The following DDX21 variants were observed in gnomAD, a reference collection of about 807,000 sequenced individuals.
DDX21 encodes the protein DExD-box helicase 21.
DDX21 carries 18 observed loss-of-function variants against 90.0 expected under a neutral mutation model. The ratio of observed to expected loss-of-function variants is 0.20; its 90% CI spans 0.14 to 0.30. The LOEUF is 0.30. Among genes scored for constraint, DDX21 ranks in the 10% least tolerant of loss-of-function variants. The probability of loss-of-function intolerance (pLI) is 1.00; values close to 1 mark genes in which losing one functional copy is unlikely to be tolerated. For synonymous variants in DDX21, 294 were observed against 318.0 expected, an observed-to-expected ratio of 0.92 and a Z score of 0.80; for missense variants, 673 against 944.5, an observed-to-expected ratio of 0.71 and a Z score of 3.77.
At position 68,965,516 on chromosome 10, in the gene DDX21, G is replaced by T. The variant is rs772158682; in HGVS notation, c.904+22G>T. ...CAATGTGAGTACATTCAAAAAGTGA[G>T]GGAGGTATAATGCCACCCATTGTTG... On this transcript the variant is annotated intron_variant, in intron 5 of 14. Transcript: ENST00000354185. The T allele has an allele frequency of 3.8e-6, 6 of 1,573,212 alleles. No individual in the cohort carries two copies. In the African/African-American group the frequency reaches 6.8e-5, roughly 18 times the overall value.
chr10:68,957,673 C>T (rs778587734), intron 1 of DDX21, among the ~76,000 whole-genome samples: 2 of 152,122 alleles, frequency 1.3e-5, no homozygotes, highest in Non-Finnish European at 2.9e-5. Flanking sequence ...CCAAAAGAGA[C>T]CACCAGGATG....
chr10:68,957,932 G>A (rs999722895), intron 1 of DDX21, among the ~76,000 whole-genome samples: 1 of 152,146 alleles, frequency 6.6e-6, no homozygotes, highest in Non-Finnish European at 1.5e-5. Context: ...AGTATGAAAA[G>A]TTGTAGAGGG....
intron 13 of DDX21, among the ~76,000 whole-genome samples, chr10:68,979,653 G>A (rs1320848698): frequency 6.6e-6 from 1 of 152,156 alleles, no homozygotes; most frequent in African/African-American, 2.4e-5. Flanking sequence ...TTTTGACTTG[G>A]CGAAGCCCCT....
Position 68,970,393 on chromosome 10 carries a change from A to G in DDX21, c.1386+43A>G, listed in dbSNP as rs762384108. ...TGCCAGCAAAACTGGGGATATCAACAAATCTTCACCTTGGGCATATCTGCT... is the reference window on the plus strand; with the variant it reads ...TGCCAGCAAAACTGGGGATATCAACGAATCTTCACCTTGGGCATATCTGCT... On this transcript the variant is annotated intron_variant, in intron 8 of 14. Coordinates refer to ENST00000354185, the MANE Select transcript of DDX21 (RefSeq NM_004728.4). The G allele has an allele frequency of 4.4e-6, 7 of 1,582,366 alleles. No homozygotes were observed. In the Admixed American group the frequency reaches 1.1e-4, roughly 25 times the overall value.
At chr10:68,958,790 G>C (rs1455706319) in intron 1 of DDX21, among the ~76,000 whole-genome samples, 1 of 152,046 alleles carries the variant, frequency 6.6e-6, no homozygotes, top group African/African-American at 2.4e-5. Context: ...GTCCATGCTT[G>C]CCTGGAACTG....
chr10:68,962,519 G>A (rs561552229), intron 3 of DDX21, among the ~76,000 whole-genome samples: 21 of 152,296 alleles, frequency 1.4e-4, no homozygotes, highest in Middle Eastern at 3.4e-3. Flanking sequence ...CAGAGGCTGA[G>A]GAAGGAAGAT....
chr10:68,974,961 A>G (rs1475409875), intron 11 of DDX21, among the ~76,000 whole-genome samples: 1 of 152,078 alleles, frequency 6.6e-6, no homozygotes, highest in Non-Finnish European at 1.5e-5. Flanking sequence ...GCCAGCATGC[A>G]CAGCCTATTC....
intron 8 of DDX21, among the ~76,000 whole-genome samples, chr10:68,970,691 CGCCCAG>C (rs1843012812): frequency 6.6e-6 from 1 of 151,722 alleles, no homozygotes; most frequent in Admixed American, 6.6e-5. Flanking sequence ...CTCGCTTCTT[CGCCCAG>C]GCTGGACTGC....
In DDX21 at chr10:68,973,697, G is replaced by A. The variant is rs778538401; in HGVS notation, c.1668+33G>A. Reference sequence around the variant, plus strand: ...TATTCTTACCTTTCATTAAGCAAATGTTGAGTTCTAAAGTCAGTCTTTGGT... The same window carrying A: ...TATTCTTACCTTTCATTAAGCAAATATTGAGTTCTAAAGTCAGTCTTTGGT... On this transcript the variant is annotated intron_variant, in intron 10 of 14. Coordinates refer to ENST00000354185, the MANE Select transcript of DDX21 (RefSeq NM_004728.4). The A allele has an allele frequency of 4.4e-6, 7 of 1,600,100 alleles. No individual in the cohort carries two copies. In the East Asian group the frequency reaches 1.1e-4, roughly 26 times the overall value.
intron 8 of DDX21, 101 bp downstream of exon 8, chr10:68,970,451 CAGTTT>C: frequency 8.6e-7 from 1 of 1,167,230 alleles, no homozygotes. Flanking sequence ...CAGTGAATAC[CAGTTT>C]AGTTTAGTTT....
intron 12 of DDX21, 38 bp downstream of exon 12, chr10:68,977,726 T>G: frequency 6.3e-7 from 1 of 1,576,408 alleles, no homozygotes; most frequent in Non-Finnish European, 8.6e-7. Context: ...CTTCATAATT[T>G]GGGGTATGAG....
chr10:68,956,654 G>T (rs1842800162), intron 1 of DDX21: 8 of 1,148,780 alleles, frequency 7.0e-6, no homozygotes, highest in Non-Finnish European at 8.7e-6. Context: ...CTCACACAGT[G>T]CGCAGAGTTG....
In DDX21 at chr10:68,969,383, G is replaced by A. The variant is rs543684862; in HGVS notation, c.1236+262G>A. Among the ~76,000 whole-genome samples the A allele has an allele frequency of 3.3e-5, 5 of 152,280 alleles. No individual in the cohort carries two copies. The East Asian group carries it at 9.6e-4, about 29-fold the overall frequency. The stretch of plus-strand genomic sequence containing the variant: ...CAACCTCCACCTCCCAGGTTCAAGT[G>A]ATTCTCCTGCCTCAGCCTCCTGAGT... On this transcript the variant is annotated intron_variant, in intron 7 of 14. Coordinates refer to ENST00000354185, the MANE Select transcript of DDX21 (RefSeq NM_004728.4).
At chr10:68,982,435 A>G (rs1192205799) in intron 14 of DDX21, 108 bp from the exon 15 acceptor site, 2 of 1,429,746 alleles carry the variant, frequency 1.4e-6, no homozygotes, top group Non-Finnish European at 1.9e-6. Context: ...TTAAGCACTT[A>G]TGTTATCACC....
intron 6 of DDX21, 49 bp downstream of exon 6, chr10:68,967,252 G>A: frequency 6.4e-7 from 1 of 1,561,908 alleles, no homozygotes; most frequent in South Asian, 1.2e-5. Flanking sequence ...AGGAAGGGTG[G>A]TAACTCTGTC....
At chr10:68,971,627 T>C (rs893077138) in intron 8 of DDX21, among the ~76,000 whole-genome samples, 1 of 152,208 alleles carries the variant, frequency 6.6e-6, no homozygotes, top group African/African-American at 2.4e-5. Flanking sequence ...GGCTCAGACC[T>C]AAGGTTACAC....
intron 1 of DDX21, chr10:68,956,576 A>G: frequency 1.5e-6 from 2 of 1,298,958 alleles, no homozygotes; most frequent in South Asian, 1.7e-5. Context: ...GAACTCTGGT[A>G]GAGAGGCCCT....
rs1016797151 is a variant in DDX21, at chr10:68,983,376, C to G, written c.*564C>G. 1 of 153,998 alleles carries G rather than the reference C, an allele frequency of 6.5e-6. No individual in the cohort carries two copies. The highest frequency in any genetic ancestry group is 2.4e-5 in the African/African-American group (1 of 41,448). The allele number at this position is 153,998 out of a possible 1,614,324, so 9.5% of individuals were successfully genotyped here. On this transcript the variant is annotated 3_prime_UTR_variant, in exon 15 of 15. Coordinates refer to ENST00000354185, the MANE Select transcript of DDX21 (RefSeq NM_004728.4). Reference sequence around the variant, plus strand: ...AGTTTATACCAGTGTATGCTCTAGACTTGGAAGATGTAGTATGTTTGATGT... The same window carrying G: ...AGTTTATACCAGTGTATGCTCTAGAGTTGGAAGATGTAGTATGTTTGATGT...
At position 68,966,945 on chromosome 10, in the gene DDX21, G is replaced by A. The variant is rs1842947535; in HGVS notation, c.905-73G>A. The A allele has an allele frequency of 2.0e-5, 25 of 1,266,712 alleles. No homozygotes were observed. In the South Asian group the frequency reaches 3.8e-4, roughly 19 times the overall value. 78.5% of individuals were successfully genotyped at this position (1,266,712 alleles called of 1,614,324 possible). Reference sequence around the variant, plus strand: ...ACAAATATTTTAGAGTAACAATACAGTTAACTGTGGTACCCCACACAGATA... The same window carrying A: ...ACAAATATTTTAGAGTAACAATACAATTAACTGTGGTACCCCACACAGATA... On this transcript the variant is annotated intron_variant, in intron 5 of 14. Coordinates refer to ENST00000354185, the MANE Select transcript of DDX21 (RefSeq NM_004728.4).
Sources: allele counts gnomAD v4.1 joint callset (sites outside exome capture counted in the v4.1 genomes callset), GRCh38; gene constraint gnomAD v4.1.1; transcripts MANE v1.5; gene names NCBI Gene and HGNC (gene_info 2026-07-23, HGNC 2026-07-21).